CATSPERE: variants seen among roughly 807,000 people sequenced by gnomAD.
CATSPERE encodes the protein cation channel sperm-associated auxiliary subunit epsilon.
A neutral mutation model predicts 114.1 loss-of-function variants in CATSPERE; 93 were observed. The observed-to-expected ratio is 0.81, with a 90% CI of 0.69 to 0.97. The LOEUF (loss-of-function observed/expected upper bound fraction) is 0.97. Ranked by LOEUF, CATSPERE falls within the 50% of genes least tolerant of loss-of-function variation. The pLI, the probability that CATSPERE is intolerant of heterozygous loss-of-function variation, is 0.00. For missense variants in CATSPERE, 1,058 were observed against 1,131.6 expected, an observed-to-expected ratio of 0.93 and a Z score of 0.93; for synonymous variants, 341 against 384.1, an observed-to-expected ratio of 0.89 and a Z score of 1.31.
Position 244,605,730 on chromosome 1 carries a change from C to G in CATSPERE, c.2339C>G (p.Ala780Gly). The change falls in exon 18 of 22, where the codon GCA (alanine) becomes GGA (glycine). Residue 780 changes from alanine (A) to glycine (G), a missense_variant. Physicochemically the swap from Ala to Gly is moderately conservative, Grantham distance 60 (BLOSUM62 0). Coordinates refer to ENST00000366534, the MANE Select transcript of CATSPERE (RefSeq NM_001130957.2). ...DDNGYVKDVEANFIVWEIHGR... is the reference protein window; with the variant it reads ...DDNGYVKDVEGNFIVWEIHGR... ...AATGGCTATGTTAAAGACGTTGAAG[C>G]AAATTTCATAGTGTGGGAAATACAC... 6.2e-7 allele frequency: 1 copy of G among 1,613,222 alleles called. No homozygotes were observed. The highest frequency in any genetic ancestry group is 8.5e-7 in the Non-Finnish European group (1 of 1,179,402).
At position 244,560,941 on chromosome 1, in the gene CATSPERE, G is replaced by C; in HGVS notation, c.1303G>C (p.Asp435His). Reference protein sequence around the residue: ...NEDTKQWVSQDFTLDAPIDSV... With the variant: ...NEDTKQWVSQHFTLDAPIDSV... Reference sequence around the variant, plus strand: ...AGATACAAAACAGTGGGTTTCCCAAGACTTTACATTAGATGCCCCTATTGA... The same window carrying C: ...AGATACAAAACAGTGGGTTTCCCAACACTTTACATTAGATGCCCCTATTGA... Residue 435 changes from aspartate (D) to histidine (H), a missense_variant, in exon 10 of 22, where the codon GAC (aspartate) becomes CAC (histidine). Around this residue, in one of 2 missense-constraint regions of CATSPERE, gnomAD observed 787 missense variants for 905.6 expected, o/e 0.87. Coordinates refer to ENST00000366534, the MANE Select transcript of CATSPERE (RefSeq NM_001130957.2). 6.2e-7 allele frequency: 1 copy of C among 1,614,096 alleles called. No individual in the cohort carries two copies.
At chr1:244,457,504 G>C (rs1452886346), upstream of CATSPERE, 1 of 152,200 alleles carries the variant, frequency 6.6e-6, no homozygotes, top group African/African-American at 2.4e-5. Flanking sequence ...GGAAAAAAAG[G>C]AGGAGAGAGA....
rs145329287 is a variant in CATSPERE, at chr1:244,469,618, A to G, written c.114+5662A>G. On this transcript the variant is annotated intron_variant, in intron 2 of 21. Coordinates refer to ENST00000366534, the MANE Select transcript of CATSPERE (RefSeq NM_001130957.2). ...CTATTTGCAGACGACATGATCCTTTATATAGGAAGCCCAAGGAATCTAACA... is the reference window on the plus strand; with the variant it reads ...CTATTTGCAGACGACATGATCCTTTGTATAGGAAGCCCAAGGAATCTAACA... Among the ~76,000 whole-genome samples, 58 of 152,340 alleles carry G rather than the reference A, an allele frequency of 3.8e-4. No individual in the cohort carries two copies. The East Asian group carries it at 0.011, about 29-fold the overall frequency.
At chr1:244,468,328 A>G (rs1363042874) in intron 2 of CATSPERE, among the ~76,000 whole-genome samples, 2 of 152,066 alleles carry the variant, frequency 1.3e-5, no homozygotes, top group East Asian at 1.9e-4. Context: ...TCCTGACCTC[A>G]TGATCTGCCC....
chr1:244,487,045 G>A (rs1341631066), intron 5 of CATSPERE, among the ~76,000 whole-genome samples: 2 of 89,836 alleles, frequency 2.2e-5, no homozygotes, highest in African/African-American at 8.9e-5. Context: ...AGGTACAGAC[G>A]CTCGTAGTCA....
chr1:244,634,984 A>T (rs1053702056), intron 20 of CATSPERE, among the ~76,000 whole-genome samples: 35 of 152,268 alleles, frequency 2.3e-4, no homozygotes, highest in African/African-American at 8.4e-4. Context: ...AGCTGTGACT[A>T]CAGGTGCCCA....
At chr1:244,630,969 T>C (rs1388210565) in intron 20 of CATSPERE, among the ~76,000 whole-genome samples, 1 of 152,196 alleles carries the variant, frequency 6.6e-6, no homozygotes, top group Non-Finnish European at 1.5e-5. Flanking sequence ...ATTTTTTCTA[T>C]ACATATTCTT....
intron 9 of CATSPERE, among the ~76,000 whole-genome samples, chr1:244,559,868 G>A (rs1336971945): frequency 6.6e-6 from 1 of 151,976 alleles, no homozygotes; most frequent in Admixed American, 6.6e-5. Context: ...AAATAATTGG[G>A]ATAATTTATT....
At chr1:244,551,202 C>T (rs1241000839) in intron 8 of CATSPERE, among the ~76,000 whole-genome samples, 5 of 152,134 alleles carry the variant, frequency 3.3e-5, no homozygotes, top group African/African-American at 1.2e-4. Context: ...GTTTATACAT[C>T]CTTTCACAGG....
upstream of CATSPERE, among the ~76,000 whole-genome samples, chr1:244,457,270 T>A (rs1037584708): frequency 2.0e-5 from 3 of 152,218 alleles, no homozygotes; most frequent in Non-Finnish European, 2.9e-5. Flanking sequence ...CTTAGAAAAC[T>A]GATCTGCTGT....
intron 19 of CATSPERE, chr1:244,610,564 G>A: frequency 1.7e-6 from 1 of 587,322 alleles, no homozygotes. Flanking sequence ...TGTGTTTGCA[G>A]ATTATTAAAT....
intron 5 of CATSPERE, among the ~76,000 whole-genome samples, chr1:244,481,318 G>T (rs1670230358): frequency 6.6e-6 from 1 of 152,124 alleles, no homozygotes; most frequent in South Asian, 2.1e-4. Flanking sequence ...AGATGTGGTG[G>T]CGGGCGCCTG....
intron 20 of CATSPERE, among the ~76,000 whole-genome samples, chr1:244,626,870 G>C (rs1673268301): frequency 6.6e-6 from 1 of 152,154 alleles, no homozygotes; most frequent in African/African-American, 2.4e-5. Context: ...TAATAAGGCT[G>C]TTTCACTTTC....
intron 13 of CATSPERE, 54 bp downstream of exon 13, chr1:244,583,993 G>A (rs1666643930): frequency 6.8e-7 from 1 of 1,467,672 alleles, no homozygotes; most frequent in Non-Finnish European, 9.5e-7. Context: ...TGTATAGGCG[G>A]TCAACCAAAT....
intron 20 of CATSPERE, among the ~76,000 whole-genome samples, chr1:244,624,346 C>T (rs571956056): frequency 2.6e-5 from 4 of 152,162 alleles, no homozygotes; most frequent in East Asian, 1.9e-4. Flanking sequence ...ATGTAGCATG[C>T]GATGCTGTTT....
At chr1:244,579,569 A>G (rs981180155) in intron 11 of CATSPERE, among the ~76,000 whole-genome samples, 1 of 152,202 alleles carries the variant, frequency 6.6e-6, no homozygotes, top group Non-Finnish European at 1.5e-5. Flanking sequence ...TCCCATATAT[A>G]AGTGTACTTG....
At chr1:244,551,965 G>A (rs1243177533) in intron 8 of CATSPERE, among the ~76,000 whole-genome samples, 1 of 150,658 alleles carries the variant, frequency 6.6e-6, no homozygotes, top group Non-Finnish European at 1.5e-5. Flanking sequence ...TCAGGAGGTT[G>A]AGGCAGGAGA....
At chr1:244,472,897 G>A (rs1391015898) in intron 2 of CATSPERE, among the ~76,000 whole-genome samples, 1 of 152,026 alleles carries the variant, frequency 6.6e-6, no homozygotes, top group Non-Finnish European at 1.5e-5. Flanking sequence ...TTTCAGATTG[G>A]CTTCTTTCAC....
At chr1:244,588,637 C>A in intron 14 of CATSPERE, 103 bp downstream of exon 14, 1 of 899,792 alleles carries the variant, frequency 1.1e-6, no homozygotes, top group Non-Finnish European at 1.8e-6. Context: ...CTGACACATC[C>A]ACAATGAAAT....
Sources: allele counts gnomAD v4.1 joint callset (sites outside exome capture counted in the v4.1 genomes callset), GRCh38; gene constraint gnomAD v4.1.1; regional missense constraint gnomAD v4.1.1; transcripts MANE v1.5; gene names NCBI Gene and HGNC (gene_info 2026-07-23, HGNC 2026-07-21).